Variants in MAML2 observed in about 807,000 individuals in gnomAD.
The protein encoded by MAML2 is mastermind-like protein 2.
A neutral mutation model predicts 96.1 loss-of-function variants in MAML2; 22 were observed. That is an observed-to-expected ratio of 0.23 (90% CI 0.16 to 0.33). The LOEUF (loss-of-function observed/expected upper bound fraction) is 0.33, where lower values mean the gene tolerates loss of function less well. Among genes scored for constraint, MAML2 ranks in the 10% least tolerant of loss-of-function variants. The probability of loss-of-function intolerance (pLI) is 1.00; values close to 1 mark genes in which losing one functional copy is unlikely to be tolerated. For synonymous variants in MAML2, 561 were observed against 521.3 expected, an observed-to-expected ratio of 1.08 and a Z score of -1.04; for missense variants, 1,367 against 1,392.4, an observed-to-expected ratio of 0.98 and a Z score of 0.29.
intron 2 of MAML2, among the ~76,000 whole-genome samples, chr11:96,076,594 A>C (rs1437524277): frequency 6.6e-6 from 1 of 152,174 alleles, no homozygotes; most frequent in African/African-American, 2.4e-5. Flanking sequence ...CATGGAAGTC[A>C]GGGCTGCCCT....
intron 2 of MAML2, among the ~76,000 whole-genome samples, chr11:95,994,463 C>T (rs560840123): frequency 2.6e-5 from 4 of 152,060 alleles, no homozygotes; most frequent in African/African-American, 9.7e-5. Flanking sequence ...AAATGAGGAT[C>T]GGTGAGCTGA....
At chr11:96,204,135 T>TG (rs1371471238) in intron 1 of MAML2, among the ~76,000 whole-genome samples, 1 of 151,994 alleles carries the variant, frequency 6.6e-6, no homozygotes, top group Non-Finnish European at 1.5e-5. Context: ...CAGGCTGCCT[T>TG]GAAAGGAAGC....
chr11:96,072,820 GA>G (rs1418972878), intron 2 of MAML2, among the ~76,000 whole-genome samples: 3 of 152,140 alleles, frequency 2.0e-5, no homozygotes, highest in African/African-American at 7.2e-5. Flanking sequence ...TCTGCCAAAG[GA>G]AACAAGAAGG....
At chr11:96,015,712 A>G (rs557623776) in intron 2 of MAML2, among the ~76,000 whole-genome samples, 64 of 152,090 alleles carry the variant, frequency 4.2e-4, no homozygotes, top group African/African-American at 1.5e-3. Flanking sequence ...TGCAGGCTTT[A>G]TGGCATTAGA....
intron 1 of MAML2, among the ~76,000 whole-genome samples, chr11:96,183,656 C>T (rs775551771): frequency 1.6e-4 from 25 of 151,672 alleles, no homozygotes; most frequent in Admixed American, 3.9e-4. Flanking sequence ...ATGATCCTCC[C>T]GCCTCAGCCT....
intron 1 of MAML2, among the ~76,000 whole-genome samples, chr11:96,155,989 C>T (rs1408564262): frequency 6.6e-6 from 1 of 152,148 alleles, no homozygotes; most frequent in Non-Finnish European, 1.5e-5. Flanking sequence ...TACTTCACTA[C>T]GTAAAACCCA....
intron 1 of MAML2, among the ~76,000 whole-genome samples, chr11:96,232,163 A>G (rs756115198): frequency 2.1e-4 from 32 of 152,240 alleles, no homozygotes; most frequent in African/African-American, 7.7e-4. Context: ...ATTCCTCCCT[A>G]TGGGTACTTG....
chr11:96,013,273 G>A (rs1249317273), intron 2 of MAML2, among the ~76,000 whole-genome samples: 4 of 152,170 alleles, frequency 2.6e-5, no homozygotes, highest in Non-Finnish European at 5.9e-5. Flanking sequence ...AGCATTCTTT[G>A]TATCTATTCA....
At chr11:96,158,645 G>A (rs1478515774) in intron 1 of MAML2, among the ~76,000 whole-genome samples, 2 of 152,186 alleles carry the variant, frequency 1.3e-5, no homozygotes, top group Admixed American at 1.3e-4. Context: ...CTGTCACCAG[G>A]TTCTAGAAAG....
chr11:96,069,820 G>A (rs1005104472), intron 2 of MAML2, among the ~76,000 whole-genome samples: 27 of 151,922 alleles, frequency 1.8e-4, no homozygotes, highest in Non-Finnish European at 7.4e-5. Flanking sequence ...GTCAAGAGAT[G>A]GAGACCATCC....
rs781061864 is a variant in MAML2, at chr11:96,092,200, G to C, written c.1831C>G (p.Gln611Glu). 1.2e-5 allele frequency: 19 copies of C among 1,528,142 alleles called. No individual in the cohort carries two copies. Among genetic ancestry groups the C allele is most frequent in the Admixed American group, 2.1e-5 (1 of 47,616 alleles). The allele number at this position is 1,528,142 out of a possible 1,614,324, so 94.7% of individuals were successfully genotyped here. ...TGCTGTTGCTGTTGCTGTTGCTGCT[G>C]CTGCTGCTGTTGCTGCTGCTGCTGC... The part of the protein sequence containing the change: ...QQQQQQQQQQ[Q>E]QQQQQQQQQQ... The change falls in exon 2 of 5, where the codon CAG becomes GAG. Residue 611 changes from glutamine (Q) to glutamate (E), a missense_variant. Coordinates refer to ENST00000524717, the MANE Select transcript of MAML2 (RefSeq NM_032427.4). This position sits in a 1 kb window ranked among gnomAD's most constrained non-coding sequence, Gnocchi z 4.1.
At chr11:96,172,514 G>A (rs1202989352) in intron 1 of MAML2, among the ~76,000 whole-genome samples, 2 of 152,210 alleles carry the variant, frequency 1.3e-5, no homozygotes, top group African/African-American at 2.4e-5. Flanking sequence ...CCTCTTACGC[G>A]AGAAGGAGGG....
chr11:96,133,355 A>G (rs1442780358), intron 1 of MAML2, among the ~76,000 whole-genome samples: 1 of 152,104 alleles, frequency 6.6e-6, no homozygotes. Context: ...TTTTCTTATC[A>G]TTTTTTATTA....
chr11:96,068,778 T>A (rs7937962), intron 2 of MAML2, among the ~76,000 whole-genome samples: 1 of 149,338 alleles, frequency 6.7e-6, no homozygotes, highest in African/African-American at 2.5e-5. Context: ...TGCAGTGAGC[T>A]GAGATGGCGC....
intron 2 of MAML2, among the ~76,000 whole-genome samples, chr11:96,045,598 T>C: frequency 6.6e-6 from 1 of 152,214 alleles, no homozygotes; most frequent in East Asian, 1.9e-4. Context: ...AATTGGTGTG[T>C]ATAGAAAGTA....
intron 2 of MAML2, among the ~76,000 whole-genome samples, chr11:95,993,724 A>G (rs746431057): frequency 2.6e-5 from 4 of 152,220 alleles, no homozygotes; most frequent in Non-Finnish European, 4.4e-5. Flanking sequence ...CAAGTAAGTA[A>G]GTAAGCCACA....
chr11:96,128,702 T>A (rs189507396), intron 1 of MAML2, among the ~76,000 whole-genome samples: 124 of 152,242 alleles, frequency 8.1e-4, no homozygotes, highest in Non-Finnish European at 1.5e-3. Flanking sequence ...CGTAAATAAC[T>A]CAATAAACAA....
At chr11:96,012,597 T>C (rs895376687) in intron 2 of MAML2, among the ~76,000 whole-genome samples, 17 of 152,224 alleles carry the variant, frequency 1.1e-4, no homozygotes, top group Admixed American at 1.0e-3. Flanking sequence ...ATAGGGAGTA[T>C]GAACATAATA....
intron 1 of MAML2, among the ~76,000 whole-genome samples, chr11:96,123,164 C>T (rs1380908844): frequency 6.6e-6 from 1 of 152,230 alleles, no homozygotes; most frequent in African/African-American, 2.4e-5. Flanking sequence ...ATTCTTCTTT[C>T]AATCCCCATC....
Sources: allele counts gnomAD v4.1 joint callset (sites outside exome capture counted in the v4.1 genomes callset), GRCh38; gene constraint gnomAD v4.1.1; non-coding constraint Gnocchi (gnomAD v3.1); transcripts MANE v1.5; gene names NCBI Gene and HGNC (gene_info 2026-07-23, HGNC 2026-07-21).